The following MYO9A variants were observed in gnomAD, a reference collection of about 807,000 sequenced individuals.
MYO9A encodes myosin IXA.
MYO9A carries 103 observed loss-of-function variants against 293.3 expected under a neutral mutation model. The ratio of observed to expected loss-of-function variants is 0.35; its 90% CI spans 0.30 to 0.41. MYO9A has a LOEUF of 0.41. Ranked by LOEUF, MYO9A falls within the 10% of genes least tolerant of loss-of-function variation. The pLI, the probability that MYO9A is intolerant of heterozygous loss-of-function variation, is 1.00. For missense variants in MYO9A, 2,685 were observed against 3,033.0 expected, an observed-to-expected ratio of 0.89 and a Z score of 2.69; for synonymous variants, 1,001 against 1,035.7, an observed-to-expected ratio of 0.97 and a Z score of 0.64.
chr15:72,055,231 G>A (rs1014504472), intron 1 of MYO9A, among the ~76,000 whole-genome samples: 5 of 152,118 alleles, frequency 3.3e-5, no homozygotes, highest in African/African-American at 1.2e-4. Context: ...GACCAGCCCG[G>A]GCAATATACC....
chr15:72,022,610 T>C (rs2077535964), intron 4 of MYO9A, among the ~76,000 whole-genome samples: 1 of 152,122 alleles, frequency 6.6e-6, no homozygotes, highest in South Asian at 2.1e-4. Context: ...TGCAGTGGCA[T>C]GCTCATGATT....
intron 1 of MYO9A, among the ~76,000 whole-genome samples, chr15:72,080,880 A>G (rs2150366439): frequency 6.6e-6 from 1 of 152,254 alleles, no homozygotes; most frequent in East Asian, 1.9e-4. Context: ...ATGTTCCTGC[A>G]AAGAAAATGA....
intron 1 of MYO9A, among the ~76,000 whole-genome samples, chr15:72,102,043 G>A (rs975080697): frequency 6.6e-6 from 1 of 151,058 alleles, no homozygotes; most frequent in African/African-American, 2.4e-5. Context: ...TTGTGGAATA[G>A]AAAGGCGGGA....
chr15:72,092,708 T>C (rs906344706), intron 1 of MYO9A, among the ~76,000 whole-genome samples: 4 of 152,200 alleles, frequency 2.6e-5, no homozygotes, highest in East Asian at 3.8e-4. Flanking sequence ...CCAGTGAGCA[T>C]GGATGTATTC....
At chr15:71,995,046 A>G (rs1308785183) in intron 9 of MYO9A, among the ~76,000 whole-genome samples, 1 of 152,212 alleles carries the variant, frequency 6.6e-6, no homozygotes, top group Non-Finnish European at 1.5e-5. Context: ...GAAGTTTTCC[A>G]CATGTACTCA....
chr15:72,049,275 T>A (rs1596468600), intron 1 of MYO9A, among the ~76,000 whole-genome samples: 1 of 152,334 alleles, frequency 6.6e-6, no homozygotes, highest in African/African-American at 2.4e-5. Flanking sequence ...ATTTCCAAAT[T>A]TCCTCAGTTA....
At chr15:71,936,077 C>T (rs2058635336) in intron 16 of MYO9A, among the ~76,000 whole-genome samples, 1 of 151,824 alleles carries the variant, frequency 6.6e-6, no homozygotes, top group Non-Finnish European at 1.5e-5. Flanking sequence ...TATCCAACAA[C>T]AAATGAATGG....
At chr15:71,921,594 C>A (rs569907865) in intron 18 of MYO9A, among the ~76,000 whole-genome samples, 1 of 152,190 alleles carries the variant, frequency 6.6e-6, no homozygotes, top group Non-Finnish European at 1.5e-5. Context: ...TCAAAAAATT[C>A]CTCAGGATAG....
chr15:71,835,256 T>C (rs1356424215), intron 39 of MYO9A, among the ~76,000 whole-genome samples: 1 of 152,142 alleles, frequency 6.6e-6, no homozygotes, highest in East Asian at 1.9e-4. Flanking sequence ...TAATGATCAC[T>C]ATCACCACTT....
chr15:71,844,694 G>A (rs143472925), intron 39 of MYO9A, among the ~76,000 whole-genome samples: 260 of 152,282 alleles, frequency 1.7e-3, no homozygotes, highest in Non-Finnish European at 3.3e-3. Context: ...TAAGGCTCAC[G>A]ATAGCGAAAG....
At chr15:72,087,861 G>C (rs1217372404) in intron 1 of MYO9A, among the ~76,000 whole-genome samples, 1 of 152,016 alleles carries the variant, frequency 6.6e-6, no homozygotes, top group Non-Finnish European at 1.5e-5. Flanking sequence ...GTTATGTACT[G>C]AACTGTGCTG....
At chr15:71,951,681 C>T (rs554557012) in intron 15 of MYO9A, 96 bp downstream of exon 15, 11 of 1,441,886 alleles carry the variant, frequency 7.6e-6, no homozygotes, top group Admixed American at 3.6e-5. Flanking sequence ...GGCCATGTTG[C>T]CCATACAATC....
In MYO9A at chr15:71,839,542, C is replaced by T. The variant is rs141762910; in HGVS notation, c.6838-9231G>A. Among the ~76,000 whole-genome samples, 89 of 152,112 alleles carry T rather than the reference C, an allele frequency of 5.9e-4. No individual in the cohort carries two copies. The East Asian group carries it at 0.014, about 23-fold the overall frequency. On this transcript the variant is annotated intron_variant, in intron 39 of 41. Transcript: ENST00000356056. ...TTCTACCTCAGTGTCCCCAATTCGT[C>T]GGACTATAGGCATGTACCACCATGC...
Position 71,825,587 on chromosome 15 carries a change from C to G in MYO9A, c.*993G>C, listed in dbSNP as rs1595969226. ...GTATGTGAATGTTTTTGGAAACTAA[C>G]TAAACGGTCACATTATTTGTTTGTT... On this transcript the variant is annotated 3_prime_UTR_variant, in exon 42 of 42. Coordinates refer to ENST00000356056, the MANE Select transcript of MYO9A (RefSeq NM_006901.4). The G allele has an allele frequency of 6.6e-6, 1 of 152,118 alleles. No individual in the cohort carries two copies. The highest frequency in any genetic ancestry group is 1.5e-5 in the Non-Finnish European group (1 of 68,018). The allele number at this position is 152,118 out of a possible 1,614,324, so 9.4% of individuals were successfully genotyped here. A position where few individuals can be genotyped will look rare whatever the true frequency, so the allele number is the denominator to read the frequency against.
intron 11 of MYO9A, 57 bp downstream of exon 11, chr15:71,991,046 T>C (rs2076531648): frequency 8.7e-6 from 12 of 1,379,530 alleles, no homozygotes; most frequent in South Asian, 1.7e-5. Flanking sequence ...TTATTATGAA[T>C]ATGACTCAAA....
chr15:72,057,964 C>A (rs1411163598), intron 1 of MYO9A, among the ~76,000 whole-genome samples: 2 of 152,136 alleles, frequency 1.3e-5, no homozygotes, highest in Non-Finnish European at 2.9e-5. Flanking sequence ...CAGTGCAATA[C>A]CCTTTGAGGA....
intron 15 of MYO9A, chr15:71,950,276 T>C (rs1231351620): frequency 1.3e-5 from 2 of 152,164 alleles, no homozygotes; most frequent in Non-Finnish European, 2.9e-5. Flanking sequence ...AAGTAGAAAT[T>C]TGCAAGTGAA....
Position 71,899,030 on chromosome 15 carries a change from A to T in MYO9A, c.3473T>A (p.Phe1158Tyr). 1 of 1,589,108 alleles carries T rather than the reference A, an allele frequency of 6.3e-7. No individual in the cohort carries two copies. The highest frequency in any genetic ancestry group is 8.6e-7 in the Non-Finnish European group (1 of 1,167,982). The change falls in exon 25 of 42, where the codon TTT (phenylalanine) becomes TAT (tyrosine). Residue 1158 changes from phenylalanine (F) to tyrosine (Y), a missense_variant and splice_region_variant. Phe to Tyr is a conservative substitution (Grantham distance 22, BLOSUM62 3). Around this residue, in one of 10 missense-constraint regions of MYO9A, gnomAD observed 1,434 missense variants for 1,497.7 expected, o/e 0.96. Coordinates refer to ENST00000356056, the MANE Select transcript of MYO9A (RefSeq NM_006901.4). ...TCRGFRARQR[F>Y]KALKEQRLRE... ...TAGCCTTTGTTCTTTTAAAGCTTTA[A>T]ATCTATATAAAAACAGACAAAATGG...
At chr15:71,932,784 T>A (rs769638538) in intron 18 of MYO9A, among the ~76,000 whole-genome samples, 35 of 152,290 alleles carry the variant, frequency 2.3e-4, no homozygotes, top group Non-Finnish European at 4.3e-4. Context: ...CTACTGCATG[T>A]AATTATTTTG....
Sources: gnomAD v4.1 joint callset for allele counts (sites outside exome capture counted in the v4.1 genomes callset) on GRCh38, gnomAD v4.1.1 for gene constraint, gnomAD v4.1.1 regional missense constraint, MANE v1.5 for transcripts, NCBI Gene and HGNC (gene_info 2026-07-23, HGNC 2026-07-21) for gene names.